The following SMAD3 variants were observed in gnomAD, a reference collection of about 807,000 sequenced individuals.
The protein encoded by SMAD3 is SMAD family member 3.
In SMAD3, 12 loss-of-function variants were observed where a neutral mutation model predicts 51.8. The observed-to-expected ratio is 0.23, with a 90% CI of 0.15 to 0.38. The LOEUF is 0.38. Ranked by LOEUF, SMAD3 falls within the 10% of genes least tolerant of loss-of-function variation. The pLI is 1.00. For synonymous variants in SMAD3, 238 were observed against 227.7 expected (o/e 1.05, Z -0.41); for missense variants, 294 against 565.6 (o/e 0.52, Z 4.87).
At chr15:67,151,942 T>C (rs1419520739) in intron 1 of SMAD3, among the ~76,000 whole-genome samples, 1 of 152,158 alleles carries the variant, frequency 6.6e-6, no homozygotes, top group African/African-American at 2.4e-5. Context: ...TGATTATACA[T>C]AGTAACAATC....
chr15:67,123,406 G>C (rs1455925693), intron 1 of SMAD3, among the ~76,000 whole-genome samples: 1 of 152,188 alleles, frequency 6.6e-6, no homozygotes, highest in Non-Finnish European at 1.5e-5. Context: ...GGCTAAGGCA[G>C]GAGAATCGCT....
intron 1 of SMAD3, among the ~76,000 whole-genome samples, chr15:67,123,376 G>T (rs545573826): frequency 6.6e-6 from 1 of 152,118 alleles, no homozygotes; most frequent in Non-Finnish European, 1.5e-5. Context: ...GCACACGCCC[G>T]TAATCCCAGC....
intron 1 of SMAD3, among the ~76,000 whole-genome samples, chr15:67,078,286 G>GC (rs1408694150): frequency 6.6e-6 from 1 of 152,176 alleles, no homozygotes; most frequent in Admixed American, 6.5e-5. Context: ...CCAAGCACAG[G>GC]CCCCCAAATT....
intron 8 of SMAD3, among the ~76,000 whole-genome samples, chr15:67,188,039 T>C (rs1245531362): frequency 1.3e-5 from 2 of 152,026 alleles, no homozygotes; most frequent in African/African-American, 2.4e-5. Flanking sequence ...ATATTAAAAC[T>C]GAGAGTCCGG....
chr15:67,098,971 G>T, intron 1 of SMAD3: 1 of 702,422 alleles, frequency 1.4e-6, no homozygotes, highest in Non-Finnish European at 2.6e-6. Flanking sequence ...CACAAATGTG[G>T]ACTTTTGCCC....
At chr15:67,141,558 A>G (rs1298459465) in intron 1 of SMAD3, among the ~76,000 whole-genome samples, 1 of 152,214 alleles carries the variant, frequency 6.6e-6, no homozygotes, top group Admixed American at 6.5e-5. Flanking sequence ...AAGCTAGAGC[A>G]GAGAGAGTCC....
chr15:67,152,839 T>G (rs746660687), intron 1 of SMAD3, among the ~76,000 whole-genome samples: 1 of 152,190 alleles, frequency 6.6e-6, no homozygotes, highest in African/African-American at 2.4e-5. Context: ...GAAAAAAGTT[T>G]GTGAAGACCA....
At chr15:67,100,906 A>T (rs1960739947) in intron 1 of SMAD3, among the ~76,000 whole-genome samples, 1 of 152,176 alleles carries the variant, frequency 6.6e-6, no homozygotes, top group Non-Finnish European at 1.5e-5. Flanking sequence ...CTATTGGGGA[A>T]GTCACAGTGG....
At chr15:67,132,456 G>A (rs1319729846) in intron 1 of SMAD3, among the ~76,000 whole-genome samples, 1 of 152,184 alleles carries the variant, frequency 6.6e-6, no homozygotes, top group Admixed American at 6.5e-5. Flanking sequence ...GCTTCTTGCG[G>A]GAATGGTGAG....
chr15:67,165,508 C>A, intron 3 of SMAD3, 124 bp downstream of exon 3: 1 of 1,221,632 alleles, frequency 8.2e-7, no homozygotes, highest in Non-Finnish European at 1.2e-6. Context: ...TTGCGCACAG[C>A]TCTGGCCTGA....
chr15:67,083,703 A>T (rs1338576313), intron 1 of SMAD3, among the ~76,000 whole-genome samples: 2 of 152,232 alleles, frequency 1.3e-5, no homozygotes, highest in African/African-American at 2.4e-5. Flanking sequence ...CCTCAGCTCC[A>T]GCTGCTCTCT....
At chr15:67,114,095 T>G (rs936161786) in intron 1 of SMAD3, among the ~76,000 whole-genome samples, 1 of 152,176 alleles carries the variant, frequency 6.6e-6, no homozygotes, top group Non-Finnish European at 1.5e-5. Flanking sequence ...AGTGGAAACA[T>G]TGGGCAGGTG....
intron 6 of SMAD3, among the ~76,000 whole-genome samples, chr15:67,183,025 A>ATTTTTTTTTT (rs1963122119): frequency 1.4e-5 from 1 of 69,592 alleles, no homozygotes; most frequent in African/African-American, 7.0e-5. Context: ...ATATATATAT[A>ATTTTTTTTTT]TATATATTTT....
At chr15:67,085,572 G>A (rs1408731606) in intron 1 of SMAD3, among the ~76,000 whole-genome samples, 1 of 152,130 alleles carries the variant, frequency 6.6e-6, no homozygotes, top group Non-Finnish European at 1.5e-5. Flanking sequence ...GGGCTGTGAG[G>A]GCTAGGATTC....
At chr15:67,144,123 T>G (rs1478914811) in intron 1 of SMAD3, among the ~76,000 whole-genome samples, 1 of 152,210 alleles carries the variant, frequency 6.6e-6, no homozygotes, top group Non-Finnish European at 1.5e-5. Flanking sequence ...TCTAAAACTT[T>G]CCTCCTGCCT....
chr15:67,114,777 C>T (rs986597034), intron 1 of SMAD3, among the ~76,000 whole-genome samples: 7 of 152,138 alleles, frequency 4.6e-5, no homozygotes, highest in African/African-American at 1.7e-4. Context: ...ATTTTGGGTA[C>T]CTTCAAACAG....
intron 1 of SMAD3, among the ~76,000 whole-genome samples, chr15:67,092,315 G>A (rs541042829): frequency 3.9e-5 from 6 of 152,306 alleles, no homozygotes; most frequent in African/African-American, 9.6e-5. Flanking sequence ...TTTCTTATAT[G>A]TGGCTTTCAT....
In SMAD3 at chr15:67,123,597, T is replaced by C. The variant is rs901563162; in HGVS notation, c.207-41298T>C. ...AATAGTAGCCATTAATATTATGAGC[T>C]TATCATCACCTTCAGCCAGCATTCT... On this transcript the variant is annotated intron_variant, in intron 1 of 8. Coordinates refer to ENST00000327367, the MANE Select transcript of SMAD3 (RefSeq NM_005902.4). Among the ~76,000 whole-genome samples, 98 of 152,250 alleles carry C rather than the reference T, an allele frequency of 6.4e-4. 2 individuals carry two copies. The highest frequency in any genetic ancestry group is 1.8e-4 in the Non-Finnish European group (12 of 68,040).
At chr15:67,179,274 G>GC (rs1314532009) in intron 5 of SMAD3, among the ~76,000 whole-genome samples, 2 of 152,120 alleles carry the variant, frequency 1.3e-5, no homozygotes, top group Non-Finnish European at 2.9e-5. Context: ...AGGCCGTTTT[G>GC]CCCCCTAGAA....
Sources: allele counts gnomAD v4.1 joint callset (sites outside exome capture counted in the v4.1 genomes callset), GRCh38; gene constraint gnomAD v4.1.1; transcripts MANE v1.5; gene names NCBI Gene and HGNC (gene_info 2026-07-23, HGNC 2026-07-21).